The following ELAPOR2 variants were observed in gnomAD, a reference collection of about 807,000 sequenced individuals.
The protein encoded by ELAPOR2 is endosome/lysosome-associated apoptosis and autophagy regulator family member 2.
Under a neutral mutation model 120.7 loss-of-function variants are expected in ELAPOR2, and 89 were observed. The observed-to-expected ratio is 0.74, with a 90% CI of 0.62 to 0.88. The LOEUF is 0.88. Among genes scored for constraint, ELAPOR2 ranks in the 40% least tolerant of loss-of-function variants. The pLI is 0.00. For missense variants in ELAPOR2, 1,134 were observed against 1,251.6 expected (o/e 0.91, Z 1.42); for synonymous variants, 444 against 444.9 (o/e 1.00, Z 0.03).
intron 1 of ELAPOR2, among the ~76,000 whole-genome samples, chr7:87,001,858 G>GT (rs1289270540): frequency 6.6e-6 from 1 of 152,148 alleles, no homozygotes; most frequent in Non-Finnish European, 1.5e-5. Context: ...TTATCTTTAT[G>GT]TTCTGAAGTT....
chr7:86,931,384 C>G (rs781599991), intron 8 of ELAPOR2, among the ~76,000 whole-genome samples: 1 of 151,888 alleles, frequency 6.6e-6, no homozygotes, highest in Non-Finnish European at 1.5e-5. Flanking sequence ...GGAAAGATAT[C>G]AAATCTCTGT....
In ELAPOR2 at chr7:86,892,989, C is replaced by T. The variant is rs776339060; in HGVS notation, c.2797G>A (p.Gly933Ser). ...AAAACGGCAGTAAAAGCTCCCACAC[C>T]GGCTCCCACCTTCAGCCAAAAGTCA... The part of the protein sequence containing the change: ...TVDFWLKVGA[G>S]VGAFTAVLLV... Residue 933 changes from glycine (G) to serine (S), a missense_variant, in exon 20 of 22, where the codon GGT becomes AGT. Coordinates refer to ENST00000450689, the MANE Select transcript of ELAPOR2 (RefSeq NM_001142749.3). The T allele has an allele frequency of 1.3e-5, 20 of 1,574,748 alleles. No individual in the cohort carries two copies. The highest frequency in any genetic ancestry group is 6.1e-5 in the Admixed American group (3 of 49,250).
chr7:86,897,675 T>C (rs1253079993), intron 18 of ELAPOR2, 43 bp from the exon 19 acceptor site: 1 of 1,609,814 alleles, frequency 6.2e-7, no homozygotes, highest in African/African-American at 1.3e-5. Context: ...GTGGCAGCTT[T>C]TTAACCCATT....
intron 1 of ELAPOR2, among the ~76,000 whole-genome samples, chr7:87,045,524 C>T (rs1794924552): frequency 6.7e-6 from 1 of 150,094 alleles, no homozygotes; most frequent in Non-Finnish European, 1.5e-5. Flanking sequence ...AACCAAACAC[C>T]ACATATTCTC....
At chr7:86,889,177 A>G (rs1238888510) in intron 21 of ELAPOR2, among the ~76,000 whole-genome samples, 1 of 152,124 alleles carries the variant, frequency 6.6e-6, no homozygotes, top group East Asian at 1.9e-4. Flanking sequence ...ATTGTTATTC[A>G]CAATATAATT....
chr7:86,968,945 A>G (rs999559134), intron 1 of ELAPOR2, among the ~76,000 whole-genome samples: 1 of 152,216 alleles, frequency 6.6e-6, no homozygotes, highest in African/African-American at 2.4e-5. Flanking sequence ...GCCCCAAATA[A>G]TAAAACAATA....
At chr7:86,902,841 A>T (rs567388702) in intron 18 of ELAPOR2, among the ~76,000 whole-genome samples, 18 of 152,204 alleles carry the variant, frequency 1.2e-4, no homozygotes, top group Non-Finnish European at 2.5e-4. Context: ...TTCGCCCAAT[A>T]AATTCCATAA....
intron 2 of ELAPOR2, among the ~76,000 whole-genome samples, chr7:86,959,849 G>A (rs1202495530): frequency 6.6e-6 from 1 of 152,016 alleles, no homozygotes; most frequent in Admixed American, 6.6e-5. Flanking sequence ...CTTAATGTAG[G>A]TACTTATTGC....
At chr7:86,990,830 C>A (rs1188059204) in intron 1 of ELAPOR2, among the ~76,000 whole-genome samples, 1 of 152,142 alleles carries the variant, frequency 6.6e-6, no homozygotes, top group Non-Finnish European at 1.5e-5. Context: ...TCAGTGTTCA[C>A]AGAAAAGAAG....
At chr7:87,014,288 G>C (rs149928203) in intron 1 of ELAPOR2, among the ~76,000 whole-genome samples, 1,732 of 152,038 alleles carry the variant, frequency 0.011, 39 homozygotes, top group Admixed American at 0.059. Context: ...AAGACCAGAG[G>C]CTCTTGTATT....
At chr7:87,006,467 T>C (rs1793479370) in intron 1 of ELAPOR2, among the ~76,000 whole-genome samples, 1 of 152,018 alleles carries the variant, frequency 6.6e-6, no homozygotes, top group African/African-American at 2.4e-5. Context: ...GGCACATGTA[T>C]ACCTATGTAA....
rs1392297062 is a variant in ELAPOR2 at position 86,964,988 on chromosome 7, T to C, written c.226A>G (p.Ser76Gly). The C allele has an allele frequency of 3.2e-6, 5 of 1,551,468 alleles. No individual in the cohort carries two copies. The highest frequency in any genetic ancestry group is 1.7e-4 in the Middle Eastern group (1 of 6,012). Residue 76 changes from serine (S) to glycine (G), a missense_variant, in exon 2 of 22, where the codon AGT becomes GGT. Ser to Gly is a moderately conservative substitution (Grantham distance 56, BLOSUM62 0). Around this residue, in one of 3 missense-constraint regions of ELAPOR2, gnomAD observed 280 missense variants for 331.5 expected, o/e 0.84. Transcript: ENST00000450689. Reference sequence around the variant, plus strand: ...ATGGCAACTCTCCACCTGGAGCCACTGCTATCACATTCCGTATATTCAAAG... The same window carrying C: ...ATGGCAACTCTCCACCTGGAGCCACCGCTATCACATTCCGTATATTCAAAG... ...YHFEYTECDS[S>G]GSRWRVAIPN... is the part of the protein sequence containing the mutation.
chr7:86,950,227 T>C (rs1791189170), intron 2 of ELAPOR2, among the ~76,000 whole-genome samples: 1 of 152,236 alleles, frequency 6.6e-6, no homozygotes, highest in African/African-American at 2.4e-5. Flanking sequence ...AAAGCTCCTC[T>C]TCACCTTGCT....
chr7:87,047,578 G>A (rs1205659981), intron 1 of ELAPOR2, among the ~76,000 whole-genome samples: 3 of 152,096 alleles, frequency 2.0e-5, no homozygotes, highest in Non-Finnish European at 2.9e-5. Flanking sequence ...ATATGAAAAG[G>A]TGCTCAATAT....
At chr7:87,025,913 G>A (rs1321252491) in intron 1 of ELAPOR2, among the ~76,000 whole-genome samples, 2 of 152,064 alleles carry the variant, frequency 1.3e-5, no homozygotes, top group African/African-American at 4.8e-5. Context: ...AAATAAAGGT[G>A]TATATTTCTG....
intron 1 of ELAPOR2, among the ~76,000 whole-genome samples, chr7:87,002,490 C>G (rs1334563384): frequency 6.6e-6 from 1 of 152,100 alleles, no homozygotes; most frequent in Non-Finnish European, 1.5e-5. Context: ...AATACTAAAG[C>G]CTTCTACCAC....
intron 1 of ELAPOR2, among the ~76,000 whole-genome samples, chr7:87,047,622 C>T (rs1264451007): frequency 6.6e-6 from 1 of 152,162 alleles, no homozygotes; most frequent in East Asian, 1.9e-4. Context: ...ATCAAAACTA[C>T]AATATCATCT....
At chr7:86,988,315 G>A (rs1029200937) in intron 1 of ELAPOR2, among the ~76,000 whole-genome samples, 2 of 152,000 alleles carry the variant, frequency 1.3e-5, no homozygotes, top group Non-Finnish European at 2.9e-5. Flanking sequence ...TGCACGTTGT[G>A]CACATGTACC....
At chr7:86,998,073 T>C (rs1016890008) in intron 1 of ELAPOR2, among the ~76,000 whole-genome samples, 1 of 152,078 alleles carries the variant, frequency 6.6e-6, no homozygotes, top group Non-Finnish European at 1.5e-5. Flanking sequence ...TGCATGTACA[T>C]ATTTATCAAA....
Sources: allele counts gnomAD v4.1 joint callset (sites outside exome capture counted in the v4.1 genomes callset), GRCh38; gene constraint gnomAD v4.1.1; regional missense constraint gnomAD v4.1.1; transcripts MANE v1.5; gene names NCBI Gene and HGNC (gene_info 2026-07-23, HGNC 2026-07-21).